UBTD1: variants seen among roughly 807,000 people sequenced by gnomAD.
UBTD1 encodes ubiquitin domain containing 1.
In UBTD1, 19 loss-of-function variants were observed where a neutral mutation model predicts 21.7. That is an observed-to-expected ratio of 0.87 (90% CI 0.61 to 1.28). UBTD1 has a LOEUF of 1.28. UBTD1 is among the 50% of genes most tolerant of loss of function. The pLI is 0.00. For synonymous variants in UBTD1, 116 were observed against 135.1 expected (o/e 0.86, Z 0.98); for missense variants, 282 against 315.1 (o/e 0.89, Z 0.80).
chr10:97,528,204 G>A (rs1435299192), intron 1 of UBTD1, among the ~76,000 whole-genome samples: 382 of 84,348 alleles, frequency 4.5e-3, no homozygotes, highest in Non-Finnish European at 6.5e-3. Flanking sequence ...CCTGGACGGG[G>A]CGGCTGGCCG....
chr10:97,499,159 C>T lies in UBTD1; in HGVS notation c.-45C>T, dbSNP rs901171955. ...ACGCCGCCGTCCGCTGAGCAGCCGA[C>T]CACCCCGCCGCCTCCGGTGCATGGG... On this transcript the variant is annotated 5_prime_UTR_variant, in exon 1 of 3. Transcript: ENST00000370664. 73 of 1,503,506 alleles carry T rather than the reference C, an allele frequency of 4.9e-5. No homozygotes were observed. The highest frequency in any genetic ancestry group is 6.4e-5 in the Non-Finnish European group (72 of 1,121,902). The allele number at this position is 1,503,506 out of a possible 1,614,324, so 93.1% of individuals were successfully genotyped here.
At chr10:97,525,301 G>A (rs936680081) in intron 1 of UBTD1, among the ~76,000 whole-genome samples, 2 of 152,120 alleles carry the variant, frequency 1.3e-5, no homozygotes, top group African/African-American at 4.8e-5. Flanking sequence ...TTGTATGCTG[G>A]GCACCGCAGA....
intron 1 of UBTD1, among the ~76,000 whole-genome samples, chr10:97,549,423 T>C (rs1381841910): frequency 1.3e-5 from 2 of 152,244 alleles, no homozygotes; most frequent in African/African-American, 4.8e-5. Context: ...CTAAACTGCC[T>C]GCCCATTTCA....
At chr10:97,510,579 C>T (rs2040419457) in intron 1 of UBTD1, among the ~76,000 whole-genome samples, 1 of 152,110 alleles carries the variant, frequency 6.6e-6, no homozygotes, top group Admixed American at 6.5e-5. Flanking sequence ...ACTCAGTAAG[C>T]ATTAGTTATT....
chr10:97,530,349 G>C (rs1036730586), intron 1 of UBTD1, among the ~76,000 whole-genome samples: 7 of 152,190 alleles, frequency 4.6e-5, no homozygotes, highest in African/African-American at 1.7e-4. Context: ...GAGGCAGGGG[G>C]AATGCTGGAG....
At chr10:97,536,032 A>G (rs113540027) in intron 1 of UBTD1, among the ~76,000 whole-genome samples, 13,451 of 145,804 alleles carry the variant, frequency 0.092, 1,775 homozygotes, top group African/African-American at 0.29. Context: ...TGCTCTAGTC[A>G]CCCAGGCTGG....
At position 97,514,079 on chromosome 10, in the gene UBTD1, C is replaced by T. The variant is rs74387755; in HGVS notation, c.70+14806C>T. Among the ~76,000 whole-genome samples, 1,377 of 150,382 alleles carry T rather than the reference C, an allele frequency of 9.2e-3. 6 individuals are homozygous for T. The highest frequency in any genetic ancestry group is 0.014 in the Non-Finnish European group (961 of 67,776). On this transcript the variant is annotated intron_variant, in intron 1 of 2. Coordinates refer to ENST00000370664, the MANE Select transcript of UBTD1 (RefSeq NM_024954.5). ...TGTCCACCAAGATTATGGAAGGTATCGAATAGTATATGGGGACGCTTAGGT... is the reference window on the plus strand; with the variant it reads ...TGTCCACCAAGATTATGGAAGGTATTGAATAGTATATGGGGACGCTTAGGT...
At position 97,570,141 on chromosome 10, in the gene UBTD1, C is replaced by G. The variant is rs193146248; in HGVS notation, c.302C>G (p.Thr101Ser). Residue 101 changes from threonine to serine, a missense_variant, in exon 3 of 3, where the codon ACC (threonine) becomes AGC (serine). Thr to Ser is a moderately conservative substitution (Grantham distance 58, BLOSUM62 1). Transcript: ENST00000370664. This position sits in a 1 kb window ranked among gnomAD's most constrained non-coding sequence, Gnocchi z 6.6. ...DGASITLPHG[T>S]LCECYDELGN... ...GACAGCCCTGCCTCTCCTACAGGCA[C>G]CCTCTGTGAATGCTACGATGAGCTG... 6.2e-7 allele frequency: 1 copy of G among 1,601,684 alleles called. No homozygotes were observed. Among genetic ancestry groups the G allele is most frequent in the African/African-American group, 1.3e-5 (1 of 74,840 alleles).
At chr10:97,510,314 T>G (rs1384519355) in intron 1 of UBTD1, among the ~76,000 whole-genome samples, 1 of 152,258 alleles carries the variant, frequency 6.6e-6, no homozygotes, top group Non-Finnish European at 1.5e-5. Flanking sequence ...AGAGAACATC[T>G]ATAAGATAGT....
chr10:97,530,275 T>C (rs1733537353), intron 1 of UBTD1, among the ~76,000 whole-genome samples: 1 of 152,300 alleles, frequency 6.6e-6, no homozygotes, highest in South Asian at 2.1e-4. Context: ...CTCTTTATTA[T>C]AAGAAATGCA....
chr10:97,519,588 G>A (rs747942224), intron 1 of UBTD1, among the ~76,000 whole-genome samples: 1 of 152,184 alleles, frequency 6.6e-6, no homozygotes, highest in Non-Finnish European at 1.5e-5. Context: ...ATGAATCACA[G>A]TCTCTGGGGA....
At chr10:97,537,610 G>A (rs2040569337) in intron 1 of UBTD1, among the ~76,000 whole-genome samples, 1 of 152,146 alleles carries the variant, frequency 6.6e-6, no homozygotes, top group Admixed American at 6.5e-5. Flanking sequence ...GGGTGAGTGA[G>A]GTAAGAGGTC....
chr10:97,518,457 C>T (rs1438131529), intron 1 of UBTD1, among the ~76,000 whole-genome samples: 1 of 152,214 alleles, frequency 6.6e-6, no homozygotes, highest in East Asian at 1.9e-4. Context: ...CTGCAGCTTC[C>T]TTTCTCCAGG....
chr10:97,532,722 G>A (rs886078487), intron 1 of UBTD1, among the ~76,000 whole-genome samples: 16 of 152,102 alleles, frequency 1.1e-4, no homozygotes, highest in Non-Finnish European at 1.9e-4. Context: ...TCCGGGAGAC[G>A]GAGGTCGCAG....
intron 1 of UBTD1, among the ~76,000 whole-genome samples, chr10:97,545,321 C>T (rs1421694905): frequency 4.9e-5 from 7 of 144,144 alleles, no homozygotes; most frequent in Admixed American, 1.4e-4. Flanking sequence ...GCCTGGGCAA[C>T]GAGCGAGACT....
intron 1 of UBTD1, among the ~76,000 whole-genome samples, chr10:97,518,245 G>A (rs1331920167): frequency 2.0e-5 from 3 of 152,252 alleles, no homozygotes. Context: ...GGGTTGAGGC[G>A]AGGACCTGAG....
At chr10:97,552,918 T>C in intron 1 of UBTD1, among the ~76,000 whole-genome samples, 1 of 152,214 alleles carries the variant, frequency 6.6e-6, no homozygotes, top group Non-Finnish European at 1.5e-5. Context: ...GTTAAAAAGG[T>C]GCTGAGTTAA....
Position 97,557,036 on chromosome 10 carries a change from G to T in UBTD1, c.71-10878G>T, listed in dbSNP as rs549206260. On this transcript the variant is annotated intron_variant, in intron 1 of 2. Coordinates refer to ENST00000370664, the MANE Select transcript of UBTD1 (RefSeq NM_024954.5). The stretch of plus-strand genomic sequence containing the variant: ...TTTAGAACCCAAAAATTGTCAGGGT[G>T]GTTCTTTGGGGCTAAGAATTCATCA... Among the ~76,000 whole-genome samples, 8 of 152,186 alleles carry T rather than the reference G, an allele frequency of 5.3e-5. No homozygotes were observed. In the South Asian group the frequency reaches 1.7e-3, roughly 32 times the overall value.
At chr10:97,567,850 G>T in intron 1 of UBTD1, 64 bp from the exon 2 acceptor site, 1 of 1,524,010 alleles carries the variant, frequency 6.6e-7, no homozygotes, top group East Asian at 2.4e-5. Context: ...GGAGGGGAGG[G>T]GGAGGGCAGG....
Sources: gnomAD v4.1 joint callset for allele counts (sites outside exome capture counted in the v4.1 genomes callset) on GRCh38, gnomAD v4.1.1 for gene constraint, Gnocchi (gnomAD v3.1) non-coding constraint, MANE v1.5 for transcripts, NCBI Gene and HGNC (gene_info 2026-07-23, HGNC 2026-07-21) for gene names.